PTPRD: variants seen among roughly 807,000 people sequenced by gnomAD.
PTPRD encodes the protein protein tyrosine phosphatase receptor type D, also known as receptor-type tyrosine-protein phosphatase delta.
In PTPRD, 34 loss-of-function variants were observed where a neutral mutation model predicts 214.5. The ratio of observed to expected loss-of-function variants is 0.16; its 90% CI spans 0.12 to 0.21. The LOEUF (loss-of-function observed/expected upper bound fraction) is 0.21, where lower values mean the gene tolerates loss of function less well. Ranked by LOEUF, PTPRD falls within the 10% of genes least tolerant of loss-of-function variation. PTPRD has a pLI of 1.00. For missense variants in PTPRD, 2,545 were observed against 2,398.7 expected (o/e 1.06, Z -1.27); for synonymous variants, 1,128 against 845.7 (o/e 1.33, Z -5.79).
At position 8,483,736 on chromosome 9, in the gene PTPRD, G is replaced by A. The variant is rs140456584; in HGVS notation, c.3413+383C>T. Reference sequence around the variant, plus strand: ...GGAGGTTGCAGTGAGCCGAGATCGCGCCACTGCACTCCAGCCTGGGTGACA... The same window carrying A: ...GGAGGTTGCAGTGAGCCGAGATCGCACCACTGCACTCCAGCCTGGGTGACA... On this transcript the variant is annotated intron_variant, in intron 30 of 45. Transcript: ENST00000381196. 5.4e-3 allele frequency among the ~76,000 whole-genome samples: 823 copies of A among 152,192 alleles called. 8 individuals are homozygous for A. Among genetic ancestry groups the A allele is most frequent in the African/African-American group, 0.019 (776 of 41,524 alleles).
intron 6 of PTPRD, among the ~76,000 whole-genome samples, chr9:9,756,629 T>C (rs2098584466): frequency 6.6e-6 from 1 of 152,100 alleles, no homozygotes; most frequent in Non-Finnish European, 1.5e-5. Context: ...TTTGGGGTAA[T>C]GAAAATGTTT....
At chr9:9,481,398 A>G (rs62533199) in intron 8 of PTPRD, among the ~76,000 whole-genome samples, 15,846 of 152,132 alleles carry the variant, frequency 0.1, 853 homozygotes, top group South Asian at 0.15. Context: ...ATTACAGGGA[A>G]ATTTTGAAGA....
At chr9:10,074,952 C>T (rs577384633) in intron 3 of PTPRD, among the ~76,000 whole-genome samples, 58 of 152,104 alleles carry the variant, frequency 3.8e-4, no homozygotes, top group African/African-American at 1.1e-3. Context: ...CTTAGTCAAA[C>T]GATTTAGGTG....
At chr9:8,475,880 C>T (rs1334035244) in intron 30 of PTPRD, among the ~76,000 whole-genome samples, 1 of 152,194 alleles carries the variant, frequency 6.6e-6, no homozygotes, top group Non-Finnish European at 1.5e-5. Context: ...TCTCAACTCT[C>T]TCTATTGACT....
At chr9:8,968,943 G>A (rs1452992300) in intron 11 of PTPRD, among the ~76,000 whole-genome samples, 1 of 152,002 alleles carries the variant, frequency 6.6e-6, no homozygotes. Flanking sequence ...GCTTGGTAGA[G>A]AAAATTTAAT....
intron 11 of PTPRD, among the ~76,000 whole-genome samples, chr9:9,012,283 C>G (rs2099515071): frequency 6.6e-6 from 1 of 152,160 alleles, no homozygotes; most frequent in Non-Finnish European, 1.5e-5. Flanking sequence ...ACACTGCATT[C>G]TTGCAGAGGA....
At chr9:10,120,426 A>G (rs2098765187) in intron 3 of PTPRD, among the ~76,000 whole-genome samples, 1 of 152,040 alleles carries the variant, frequency 6.6e-6, no homozygotes, top group African/African-American at 2.4e-5. Flanking sequence ...AAAGAGTTCA[A>G]TTAATTTTTC....
chr9:8,821,188 C>T lies in PTPRD; in HGVS notation c.-103-87242G>A, dbSNP rs1255539392. 3.3e-5 allele frequency among the ~76,000 whole-genome samples: 5 copies of T among 152,116 alleles called. No homozygotes were observed. In the East Asian group the frequency reaches 9.6e-4, roughly 29 times the overall value. The stretch of plus-strand genomic sequence containing the variant: ...GGTTTAAGTAGTGAGAAAAAGGAAA[C>T]AATGGGAATAAGAAAATTCTTAGAT... On this transcript the variant is annotated intron_variant, in intron 11 of 45. Transcript: ENST00000381196.
intron 3 of PTPRD, among the ~76,000 whole-genome samples, chr9:10,040,369 T>G (rs1182598678): frequency 6.6e-6 from 1 of 151,980 alleles, no homozygotes; most frequent in African/African-American, 2.4e-5. Flanking sequence ...TAGATACACC[T>G]AATAAGGGGT....
At chr9:8,371,294 A>G (rs117829872) in intron 39 of PTPRD, among the ~76,000 whole-genome samples, 3,036 of 152,204 alleles carry the variant, frequency 0.02, 62 homozygotes, top group Middle Eastern at 0.044. Context: ...AACTCTTACT[A>G]TTTTTGTAAA....
At chr9:10,307,402 A>T (rs1199781409) in intron 3 of PTPRD, among the ~76,000 whole-genome samples, 1 of 152,040 alleles carries the variant, frequency 6.6e-6, no homozygotes, top group African/African-American at 2.4e-5. Flanking sequence ...AAATGACAGG[A>T]CTGTGTTCTT....
chr9:10,284,829 T>C (rs1453658617), intron 3 of PTPRD, among the ~76,000 whole-genome samples: 1 of 152,168 alleles, frequency 6.6e-6, no homozygotes, highest in Non-Finnish European at 1.5e-5. Flanking sequence ...CTCTTTGGAA[T>C]CCTTTTAAGG....
At chr9:10,378,951 T>G (rs1290557131) in intron 2 of PTPRD, among the ~76,000 whole-genome samples, 1 of 152,048 alleles carries the variant, frequency 6.6e-6, no homozygotes, top group East Asian at 1.9e-4. Context: ...TTCATGAACA[T>G]GGAATAGCTC....
intron 7 of PTPRD, among the ~76,000 whole-genome samples, chr9:9,645,199 G>C (rs549053539): frequency 5.6e-4 from 86 of 152,322 alleles, no homozygotes; most frequent in African/African-American, 2.0e-3. Context: ...CCCATTGCAA[G>C]TTCCCAGAGC....
intron 5 of PTPRD, among the ~76,000 whole-genome samples, chr9:9,893,301 C>G (rs2073987175): frequency 6.6e-6 from 1 of 151,910 alleles, no homozygotes; most frequent in Non-Finnish European, 1.5e-5. Flanking sequence ...GTAAATTGGG[C>G]TAAATGCTCC....
chr9:9,290,250 A>C (rs1019308019), intron 9 of PTPRD, among the ~76,000 whole-genome samples: 1 of 151,724 alleles, frequency 6.6e-6, no homozygotes, highest in Admixed American at 6.6e-5. Flanking sequence ...GGTTATTTGT[A>C]TGTCTTCCTT....
At position 9,430,746 on chromosome 9, in the gene PTPRD, C is replaced by T. The variant is rs529005042; in HGVS notation, c.-236-33264G>A. Among the ~76,000 whole-genome samples the T allele has an allele frequency of 2.6e-4, 39 of 152,190 alleles. 1 individual carries two copies. The South Asian group carries it at 8.1e-3, about 32-fold the overall frequency. On this transcript the variant is annotated intron_variant, in intron 8 of 45. Coordinates refer to ENST00000381196, the MANE Select transcript of PTPRD (RefSeq NM_002839.4). ...CAGAACAGGGCCCTCAGAAATAATA[C>T]CACACATCTACAACCATCTGATCTT...
chr9:9,229,980 T>C (rs1180816970), intron 9 of PTPRD, among the ~76,000 whole-genome samples: 3 of 152,186 alleles, frequency 2.0e-5, no homozygotes, highest in Admixed American at 2.0e-4. Context: ...TATTAAGATT[T>C]ATCTTGTAAT....
chr9:8,835,204 G>A (rs967925640), intron 11 of PTPRD, among the ~76,000 whole-genome samples: 2 of 152,210 alleles, frequency 1.3e-5, no homozygotes, highest in South Asian at 2.1e-4. Flanking sequence ...CTGAGTTTAT[G>A]GGTACCAGCT....
Sources: allele counts gnomAD v4.1 joint callset (sites outside exome capture counted in the v4.1 genomes callset), GRCh38; gene constraint gnomAD v4.1.1; transcripts MANE v1.5; gene names NCBI Gene and HGNC (gene_info 2026-07-23, HGNC 2026-07-21).